MYRIP: variants seen among roughly 807,000 people sequenced by gnomAD.
MYRIP encodes the protein myosin VIIA and Rab interacting protein.
In MYRIP, 49 loss-of-function variants were observed where a neutral mutation model predicts 98.0. That is an observed-to-expected ratio of 0.50 (90% confidence interval 0.40 to 0.63). The LOEUF is 0.63. Ranked by LOEUF, MYRIP falls within the 30% of genes least tolerant of loss-of-function variation. The pLI, the probability that MYRIP is intolerant of heterozygous loss-of-function variation, is 0.00. For missense variants in MYRIP, 1,004 were observed against 1,058.2 expected, an observed-to-expected ratio of 0.95 and a Z score of 0.71; for synonymous variants, 404 against 409.5, an observed-to-expected ratio of 0.99 and a Z score of 0.16.
intron 2 of MYRIP, among the ~76,000 whole-genome samples, chr3:40,033,193 C>T (rs932559014): frequency 6.9e-6 from 1 of 145,250 alleles, no homozygotes; most frequent in African/African-American, 2.5e-5. Flanking sequence ...CACTCCTATT[C>T]AACATAGTGT....
intron 3 of MYRIP, among the ~76,000 whole-genome samples, chr3:40,069,373 C>G (rs1419151260): frequency 1.3e-5 from 2 of 150,174 alleles, no homozygotes; most frequent in East Asian, 2.0e-4. Context: ...CAACCTACCT[C>G]AAGGCCAAAT....
In MYRIP at chr3:39,945,817, G is replaced by T. The variant is rs191937104; in HGVS notation, c.110+44891G>T. Among the ~76,000 whole-genome samples the T allele has an allele frequency of 2.6e-5, 4 of 152,154 alleles. No individual in the cohort carries two copies. The East Asian group carries it at 7.7e-4, about 29-fold the overall frequency. On this transcript the variant is annotated intron_variant, in intron 2 of 16. Transcript: ENST00000302541. Reference sequence around the variant, plus strand: ...TTCTTATGATTGTACAACTTAATATGATGTCAAAAGTAGTTCTTAAAAGAA... The same window carrying T: ...TTCTTATGATTGTACAACTTAATATTATGTCAAAAGTAGTTCTTAAAAGAA...
rs1289038248 is a variant in MYRIP, at chr3:40,189,810, T to C, written c.1028-16T>C. ...TAACAGCCCCTCTCTGCTTTCTCTA[T>C]CCTCTCCATCCACAGACCTGGCCCC... On this transcript the variant is annotated splice_polypyrimidine_tract_variant and intron_variant, in intron 9 of 16. Transcript: ENST00000302541. The C allele has an allele frequency of 1.3e-6, 2 of 1,592,112 alleles. No homozygotes were observed. The highest frequency in any genetic ancestry group is 2.7e-5 in the African/African-American group (2 of 74,182).
intron 2 of MYRIP, among the ~76,000 whole-genome samples, chr3:39,918,050 C>T (rs1329380262): frequency 1.3e-5 from 2 of 152,016 alleles, no homozygotes; most frequent in African/African-American, 4.8e-5. Flanking sequence ...CCTCAGCCTC[C>T]GGAGTAGCTG....
chr3:39,931,666 A>C (rs1944540086), intron 2 of MYRIP, among the ~76,000 whole-genome samples: 1 of 152,126 alleles, frequency 6.6e-6, no homozygotes, highest in African/African-American at 2.4e-5. Flanking sequence ...TATGCCTTCT[A>C]TCAGGTTGAG....
At chr3:40,010,502 C>T (rs1349514946) in intron 2 of MYRIP, among the ~76,000 whole-genome samples, 1 of 152,162 alleles carries the variant, frequency 6.6e-6, no homozygotes, top group African/African-American at 2.4e-5. Flanking sequence ...TACTTGCTTC[C>T]ACTTGATTCC....
At chr3:40,219,455 A>C (rs946433929) in intron 11 of MYRIP, among the ~76,000 whole-genome samples, 4 of 152,168 alleles carry the variant, frequency 2.6e-5, no homozygotes, top group Non-Finnish European at 5.9e-5. Flanking sequence ...ATTTAGCATT[A>C]GGTATATCTC....
intron 2 of MYRIP, among the ~76,000 whole-genome samples, chr3:39,955,747 G>A (rs1037613742): frequency 6.6e-6 from 1 of 152,152 alleles, no homozygotes; most frequent in Admixed American, 6.5e-5. Flanking sequence ...TGGATGAAGA[G>A]TCAAGACCCA....
At chr3:39,927,981 ATC>A (rs1336012270) in intron 2 of MYRIP, among the ~76,000 whole-genome samples, 1 of 152,072 alleles carries the variant, frequency 6.6e-6, no homozygotes, top group Non-Finnish European at 1.5e-5. Context: ...GAAATCCAGC[ATC>A]TCTTTATGAG....
chr3:39,850,989 G>A (rs927346923), intron 1 of MYRIP, among the ~76,000 whole-genome samples: 1 of 152,054 alleles, frequency 6.6e-6, no homozygotes, highest in Non-Finnish European at 1.5e-5. Flanking sequence ...AACCCAAAAG[G>A]CAGGAGAGAC....
Position 40,071,219 on chromosome 3 carries a change from C to T in MYRIP, c.332+26948C>T, listed in dbSNP as rs72871491. On this transcript the variant is annotated intron_variant, in intron 3 of 16. Transcript: ENST00000302541. Reference sequence around the variant, plus strand: ...GGATGCAGAAGTCCCTCAGGCCCATCGGGTAAACTAAGAATCTTGCTGGAG... The same window carrying T: ...GGATGCAGAAGTCCCTCAGGCCCATTGGGTAAACTAAGAATCTTGCTGGAG... 3,041 of 984,000 alleles carry T rather than the reference C, an allele frequency of 3.1e-3. 50 individuals carry two copies. In the African/African-American group the frequency reaches 0.044, roughly 14 times the overall value. The allele number at this position is 984,000 out of a possible 1,614,324, so 61.0% of individuals were successfully genotyped here.
At chr3:39,895,023 A>G (rs1163098548) in intron 1 of MYRIP, among the ~76,000 whole-genome samples, 1 of 152,146 alleles carries the variant, frequency 6.6e-6, no homozygotes, top group Non-Finnish European at 1.5e-5. Context: ...GATATGTGAT[A>G]TTTTATTAAA....
At chr3:39,987,097 A>G (rs1197020917) in intron 2 of MYRIP, among the ~76,000 whole-genome samples, 2 of 152,036 alleles carry the variant, frequency 1.3e-5, no homozygotes, top group Admixed American at 1.3e-4. Context: ...CTATCAACCC[A>G]TCATCTAGGT....
intron 3 of MYRIP, among the ~76,000 whole-genome samples, chr3:40,119,007 C>A (rs1212322686): frequency 8.6e-5 from 13 of 151,922 alleles, no homozygotes; most frequent in Non-Finnish European, 1.8e-4. Context: ...GGTTCCAAGT[C>A]TTTGCTATTA....
At chr3:39,919,594 C>G (rs1276084612) in intron 2 of MYRIP, among the ~76,000 whole-genome samples, 1 of 152,108 alleles carries the variant, frequency 6.6e-6, no homozygotes, top group Non-Finnish European at 1.5e-5. Context: ...GGAATCACAT[C>G]TAAGCGCTTA....
chr3:40,009,929 T>C (rs1006246713), intron 2 of MYRIP, among the ~76,000 whole-genome samples: 25 of 152,340 alleles, frequency 1.6e-4, no homozygotes, highest in African/African-American at 5.8e-4. Flanking sequence ...GTCTTTCTGT[T>C]GCCAAAGTCT....
At chr3:39,918,583 G>A (rs898963480) in intron 2 of MYRIP, among the ~76,000 whole-genome samples, 5 of 152,162 alleles carry the variant, frequency 3.3e-5, no homozygotes, top group African/African-American at 1.2e-4. Flanking sequence ...CTTCCCCTTC[G>A]CCCTCTGAAG....
chr3:39,955,648 T>A (rs1186091172), intron 2 of MYRIP, among the ~76,000 whole-genome samples: 2 of 152,274 alleles, frequency 1.3e-5, no homozygotes, highest in African/African-American at 4.8e-5. Flanking sequence ...GCTAACATCA[T>A]AATGACAGGA....
intron 2 of MYRIP, among the ~76,000 whole-genome samples, chr3:39,913,118 C>A (rs1316075929): frequency 2.6e-5 from 4 of 152,148 alleles, no homozygotes; most frequent in Admixed American, 6.5e-5. Context: ...TTCTCTTTTC[C>A]TTCACTTGGG....
Sources: allele counts gnomAD v4.1 joint callset (sites outside exome capture counted in the v4.1 genomes callset), GRCh38; gene constraint gnomAD v4.1.1; transcripts MANE v1.5; gene names NCBI Gene and HGNC (gene_info 2026-07-23, HGNC 2026-07-21).